Variants in RYR2 observed in about 807,000 individuals in gnomAD.
RYR2 encodes ryanodine receptor 2.
A neutral mutation model predicts 601.1 loss-of-function variants in RYR2; 227 were observed. The observed-to-expected ratio is 0.38, with a 90% CI of 0.34 to 0.42. RYR2 has a LOEUF of 0.42. RYR2 is among the 10% of genes least tolerant of loss of function. The pLI is 1.00. For missense variants in RYR2, 4,646 were observed against 6,156.5 expected (o/e 0.75, Z 8.21); for synonymous variants, 2,223 against 2,175.1 (o/e 1.02, Z -0.61).
At chr1:237,426,238 C>T (rs1027650203) in intron 12 of RYR2, among the ~76,000 whole-genome samples, 29 of 152,234 alleles carry the variant, frequency 1.9e-4, no homozygotes, top group African/African-American at 6.3e-4. Context: ...AACTGGAGAG[C>T]TCCAGGAAAG....
intron 1 of RYR2, among the ~76,000 whole-genome samples, chr1:237,255,851 G>GTGTA (rs1282132470): frequency 6.6e-6 from 1 of 151,676 alleles, no homozygotes; most frequent in Non-Finnish European, 1.5e-5. Context: ...GTGTGTGTGT[G>GTGTA]TGTGTGTGTG....
At chr1:237,764,063 C>A (rs1370365217) in intron 84 of RYR2, among the ~76,000 whole-genome samples, 1 of 152,188 alleles carries the variant, frequency 6.6e-6, no homozygotes, top group Non-Finnish European at 1.5e-5. Flanking sequence ...CATCCTTGCC[C>A]ACTGTTTTTA....
At chr1:237,331,647 C>T (rs1038703406) in intron 3 of RYR2, among the ~76,000 whole-genome samples, 7 of 151,298 alleles carry the variant, frequency 4.6e-5, no homozygotes, top group Non-Finnish European at 8.8e-5. Flanking sequence ...GGACTACAGG[C>T]TCCTGCCACC....
chr1:237,322,225 C>T lies in RYR2; in HGVS notation c.169-8653C>T, dbSNP rs184238061. On this transcript the variant is annotated intron_variant, in intron 2 of 104. Coordinates refer to ENST00000366574, the MANE Select transcript of RYR2 (RefSeq NM_001035.3). ...TGGTATTTGTATGGTTATGCCTGAA[C>T]GAATCTGCACTATATTACATAATTA... is the stretch of plus-strand genomic sequence containing the variant. 5.9e-4 allele frequency among the ~76,000 whole-genome samples: 90 copies of T among 152,254 alleles called. 2 individuals carry two copies. The highest frequency in any genetic ancestry group is 7.7e-4 in the East Asian group (4 of 5,178).
At chr1:237,070,906 G>A (rs1664232399) in intron 1 of RYR2, among the ~76,000 whole-genome samples, 1 of 152,244 alleles carries the variant, frequency 6.6e-6, no homozygotes, top group African/African-American at 2.4e-5. Flanking sequence ...CCCAAGGAGG[G>A]TGTTACAGCA....
chr1:237,721,678 C>G (rs576450464), intron 73 of RYR2, among the ~76,000 whole-genome samples: 123 of 152,170 alleles, frequency 8.1e-4, no homozygotes, highest in African/African-American at 2.9e-3. Context: ...ACCACCACAC[C>G]CAGCTAATTT....
At chr1:237,745,232 G>A (rs192471389) in intron 80 of RYR2, among the ~76,000 whole-genome samples, 1 of 152,230 alleles carries the variant, frequency 6.6e-6, no homozygotes, top group East Asian at 1.9e-4. Context: ...GGATATAATG[G>A]TTAATGGCAT....
chr1:237,126,184 C>A (rs1300444231), intron 1 of RYR2, among the ~76,000 whole-genome samples: 2 of 151,830 alleles, frequency 1.3e-5, no homozygotes, highest in Non-Finnish European at 2.9e-5. Context: ...TTGCAGTGAG[C>A]CGAGATCATG....
intron 2 of RYR2, among the ~76,000 whole-genome samples, chr1:237,288,070 T>C (rs999782379): frequency 3.3e-5 from 5 of 152,164 alleles, no homozygotes; most frequent in Non-Finnish European, 5.9e-5. Context: ...ATCACAGTGA[T>C]TGTTGTCTGT....
At chr1:237,473,425 C>CTT (rs1301968202) in intron 17 of RYR2, among the ~76,000 whole-genome samples, 1,535 of 123,562 alleles carry the variant, frequency 0.012, 80 homozygotes, top group African/African-American at 0.018. Context: ...CTCCATCTCT[C>CTT]TCTCTCTCTT....
At chr1:237,794,639 A>C (rs1195125270) in intron 95 of RYR2, among the ~76,000 whole-genome samples, 2 of 152,244 alleles carry the variant, frequency 1.3e-5, no homozygotes, top group African/African-American at 4.8e-5. Flanking sequence ...GTTTATATTT[A>C]CTATTCGAGT....
chr1:237,134,819 A>C (rs935279639), intron 1 of RYR2, among the ~76,000 whole-genome samples: 2 of 152,226 alleles, frequency 1.3e-5, no homozygotes, highest in Non-Finnish European at 2.9e-5. Flanking sequence ...TAATTCCCAA[A>C]ACACTCTGTG....
chr1:237,277,177 CT>C (rs1476804460), intron 2 of RYR2, among the ~76,000 whole-genome samples: 1 of 152,146 alleles, frequency 6.6e-6, no homozygotes, highest in African/African-American at 2.4e-5. Context: ...TTTGAACTTA[CT>C]CATAGGGAAA....
intron 62 of RYR2, among the ~76,000 whole-genome samples, chr1:237,683,970 C>A (rs925364174): frequency 6.6e-6 from 1 of 152,178 alleles, no homozygotes; most frequent in East Asian, 1.9e-4. Context: ...CTCTGTCGCC[C>A]AGGCTGGAGT....
At chr1:237,638,302 C>T in intron 44 of RYR2, 55 bp from the exon 45 acceptor site, 1 of 1,609,122 alleles carries the variant, frequency 6.2e-7, no homozygotes, top group Non-Finnish European at 8.5e-7. Flanking sequence ...CCAATGTAAG[C>T]ATCTAATGAG....
intron 90 of RYR2, among the ~76,000 whole-genome samples, chr1:237,785,560 GA>G (rs1438356830): frequency 6.6e-6 from 1 of 152,206 alleles, no homozygotes; most frequent in Non-Finnish European, 1.5e-5. Context: ...GGTTAACTGT[GA>G]AATAGTATAG....
chr1:237,643,781 T>G (rs1389007177), intron 48 of RYR2, among the ~76,000 whole-genome samples: 1 of 151,698 alleles, frequency 6.6e-6, no homozygotes, highest in East Asian at 1.9e-4. Context: ...CCCGGCTAAT[T>G]TTTTTTGTAT....
intron 29 of RYR2, among the ~76,000 whole-genome samples, chr1:237,576,496 T>C (rs1673236474): frequency 6.6e-6 from 1 of 152,066 alleles, no homozygotes; most frequent in South Asian, 2.1e-4. Context: ...TGTGTCAGTA[T>C]GTTGGAGAAA....
chr1:237,573,910 T>A (rs2148315246), intron 29 of RYR2, among the ~76,000 whole-genome samples: 1 of 152,202 alleles, frequency 6.6e-6, no homozygotes. Flanking sequence ...AGGAAACTCA[T>A]CTGTTAACTG....
Sources: gnomAD v4.1 joint callset for allele counts (sites outside exome capture counted in the v4.1 genomes callset) on GRCh38, gnomAD v4.1.1 for gene constraint, MANE v1.5 for transcripts, NCBI Gene and HGNC (gene_info 2026-07-23, HGNC 2026-07-21) for gene names.